CUL4A: variants seen among roughly 807,000 people sequenced by gnomAD.
CUL4A encodes the protein cullin 4A, also known as cullin-4A.
CUL4A carries 16 observed loss-of-function variants against 95.5 expected under a neutral mutation model. That is an observed-to-expected ratio of 0.17 (90% CI 0.11 to 0.25). The LOEUF (loss-of-function observed/expected upper bound fraction) is 0.25, where lower values mean the gene tolerates loss of function less well. Ranked by LOEUF, CUL4A falls within the 10% of genes least tolerant of loss-of-function variation. The pLI is 1.00. For synonymous variants in CUL4A, 380 were observed against 353.1 expected, an observed-to-expected ratio of 1.08 and a Z score of -0.85; for missense variants, 610 against 937.0, an observed-to-expected ratio of 0.65 and a Z score of 4.56.
chr13:113,256,533 A>C (rs888194754), intron 18 of CUL4A, among the ~76,000 whole-genome samples: 4 of 151,976 alleles, frequency 2.6e-5, no homozygotes, highest in Non-Finnish European at 5.9e-5. Context: ...CCCCACCTCC[A>C]CCTGTCCTTC....
At chr13:113,234,353 AAAAG>A (rs754860973) in intron 7 of CUL4A, among the ~76,000 whole-genome samples, 14 of 152,340 alleles carry the variant, frequency 9.2e-5, no homozygotes, top group African/African-American at 2.2e-4. Flanking sequence ...TTTTCCCAAA[AAAAG>A]CTGTGCGAAA....
At chr13:113,245,352 A>G (rs1030665546) in intron 14 of CUL4A, 115 bp downstream of exon 14, 12 of 929,664 alleles carry the variant, frequency 1.3e-5, no homozygotes, top group Non-Finnish European at 2.0e-5. Flanking sequence ...TCTTGAGGCC[A>G]GAAGTTCAAA....
chr13:113,243,120 G>T lies in CUL4A; in HGVS notation c.1188G>T (p.Thr396=), dbSNP rs540141230. 1.2e-6 allele frequency: 2 copies of T among 1,613,984 alleles called. No individual in the cohort carries two copies. Residue 396 remains threonine (T), a synonymous_variant, in exon 11 of 20, where the codon ACG becomes ACT. Transcript: ENST00000375440. The stretch of plus-strand genomic sequence containing the variant: ...ACCTGATGAAGGAGTCCTTTGAGAC[G>T]TTCATCAACAAGAGACCCAACAAGC... ...FVNLMKESFE[T]FINKRPNKPA... is the part of the protein sequence containing the mutation.
At chr13:113,262,122 G>C (rs1177976311) in intron 19 of CUL4A, among the ~76,000 whole-genome samples, 1 of 152,174 alleles carries the variant, frequency 6.6e-6, no homozygotes, top group Non-Finnish European at 1.5e-5. Context: ...TGAATAGAAG[G>C]TGAAGTTTGT....
intron 18 of CUL4A, among the ~76,000 whole-genome samples, chr13:113,255,662 A>G (rs1184998213): frequency 6.6e-6 from 1 of 152,120 alleles, no homozygotes; most frequent in Non-Finnish European, 1.5e-5. Flanking sequence ...GTCATAGTGT[A>G]TATAGCCTTT....
Position 113,260,211 on chromosome 13 carries a change from A to AAAAAAAACAAAAC in CUL4A, c.2032-389_2032-388insCAAAACAAAAAAA, listed in dbSNP as rs1555307263. On this transcript the variant is annotated intron_variant, in intron 18 of 19. Coordinates refer to ENST00000375440, the MANE Select transcript of CUL4A (RefSeq NM_001008895.4). Reference sequence around the variant, plus strand: ...AGAGTGAGACTCCGTCTCAAAAAAAAAAAAAAAACCATTTCCCATCAAATT... The same window carrying AAAAAAAACAAAAC: ...AGAGTGAGACTCCGTCTCAAAAAAAAAAAAAAACAAAACAAAAAAAACCATTTCCCATCAAATT... 7.5e-5 allele frequency among the ~76,000 whole-genome samples: 9 copies of AAAAAAAACAAAAC among 119,504 alleles called. 1 individual carries two copies. The highest frequency in any genetic ancestry group is 3.3e-4 in the African/African-American group (9 of 27,666). 78.4% of individuals were successfully genotyped at this position (119,504 alleles called of 152,430 possible).
chr13:113,250,701 A>C (rs930201037), intron 15 of CUL4A, among the ~76,000 whole-genome samples: 1 of 152,154 alleles, frequency 6.6e-6, no homozygotes. Flanking sequence ...GGTACTTCTC[A>C]AGGCAAAAAG....
chr13:113,210,174 GCT>G (rs2040333625), intron 2 of CUL4A, 86 bp downstream of exon 2: 1 of 885,942 alleles, frequency 1.1e-6, no homozygotes, highest in East Asian at 3.4e-5. Context: ...TGCCTCGCAG[GCT>G]CTCGCCGGGG....
intron 10 of CUL4A, among the ~76,000 whole-genome samples, chr13:113,239,810 CTCT>C (rs2041654314): frequency 6.6e-6 from 1 of 152,242 alleles, no homozygotes; most frequent in Admixed American, 6.5e-5. Context: ...AACTGTTTTG[CTCT>C]TCTTCATCAG....
chr13:113,212,892 G>A (rs552461281), intron 2 of CUL4A, among the ~76,000 whole-genome samples: 18 of 152,312 alleles, frequency 1.2e-4, no homozygotes, highest in Admixed American at 5.2e-4. Context: ...CAAAAACCAC[G>A]TAGGAGTAGG....
chr13:113,212,294 TG>T (rs2040479545), intron 2 of CUL4A, among the ~76,000 whole-genome samples: 1 of 151,978 alleles, frequency 6.6e-6, no homozygotes, highest in Admixed American at 6.5e-5. Flanking sequence ...GAAGAGTAAT[TG>T]TTTTAAGTTT....
intron 2 of CUL4A, among the ~76,000 whole-genome samples, chr13:113,212,108 G>A (rs2040470889): frequency 6.6e-6 from 1 of 152,222 alleles, no homozygotes; most frequent in South Asian, 2.1e-4. Flanking sequence ...TATCTTCGTT[G>A]ACGAAGTGTC....
chr13:113,221,564 GT>G (rs939216340), intron 3 of CUL4A, among the ~76,000 whole-genome samples: 1 of 148,560 alleles, frequency 6.7e-6, no homozygotes, highest in Non-Finnish European at 1.5e-5. Flanking sequence ...TTTTTGTTTT[GT>G]TTTTTTGTGT....
At position 113,240,323 on chromosome 13, in the gene CUL4A, CCCA is replaced by C. The variant is rs547866228; in HGVS notation, c.1035+773_1035+775del. On this transcript the variant is annotated intron_variant, in intron 10 of 19. Coordinates refer to ENST00000375440, the MANE Select transcript of CUL4A (RefSeq NM_001008895.4). ...AGCCCTCACCACAAAGAATCACCTG[CCCA>C]GAGGGCCAGAGTTGCCCAGCCCAAG... Among the ~76,000 whole-genome samples the C allele has an allele frequency of 3.4e-4, 52 of 152,298 alleles. No individual in the cohort carries two copies. In the South Asian group the frequency reaches 9.3e-3, roughly 27 times the overall value.
intron 4 of CUL4A, among the ~76,000 whole-genome samples, chr13:113,228,913 G>A (rs1201229273): frequency 1.3e-5 from 2 of 151,654 alleles, no homozygotes; most frequent in African/African-American, 4.8e-5. Flanking sequence ...GAGGTCAGGA[G>A]ATCGAGACCA....
chr13:113,240,003 A>G (rs1250711099), intron 10 of CUL4A, among the ~76,000 whole-genome samples: 2 of 152,230 alleles, frequency 1.3e-5, no homozygotes, highest in Non-Finnish European at 2.9e-5. Context: ...TTTATTACTT[A>G]AACTTTCACT....
At chr13:113,241,623 C>T (rs1329950889) in intron 10 of CUL4A, among the ~76,000 whole-genome samples, 4 of 150,576 alleles carry the variant, frequency 2.7e-5, no homozygotes, top group African/African-American at 9.7e-5. Flanking sequence ...CAAGCAGTTC[C>T]CTGCCTCAGC....
At chr13:113,228,093 C>T (rs1379386109) in intron 4 of CUL4A, 48 bp downstream of exon 4, 1 of 1,364,734 alleles carries the variant, frequency 7.3e-7, no homozygotes, top group Non-Finnish European at 1.0e-6. Flanking sequence ...TCCATCTTCC[C>T]TCACCCACAT....
chr13:113,232,335 A>G (rs954706932), intron 5 of CUL4A, among the ~76,000 whole-genome samples: 2 of 151,752 alleles, frequency 1.3e-5, no homozygotes. Context: ...CACCAGTATT[A>G]CTGTCACCGC....
Sources: gnomAD v4.1 joint callset for allele counts (sites outside exome capture counted in the v4.1 genomes callset) on GRCh38, gnomAD v4.1.1 for gene constraint, MANE v1.5 for transcripts, NCBI Gene and HGNC (gene_info 2026-07-23, HGNC 2026-07-21) for gene names.